The following HERC6 variants were observed in gnomAD, a reference collection of about 807,000 sequenced individuals.
HERC6 encodes the protein HECT and RLD domain containing E3 ubiquitin protein ligase family member 6.
Under a neutral mutation model 114.5 loss-of-function variants are expected in HERC6, and 101 were observed. The observed-to-expected ratio is 0.88, with a 90% CI of 0.75 to 1.04. The LOEUF is 1.04. Among genes scored for constraint, HERC6 ranks in the 50% least tolerant of loss-of-function variants. HERC6 has a pLI of 0.00. For synonymous variants in HERC6, 408 were observed against 436.2 expected (o/e 0.94, Z 0.81); for missense variants, 1,133 against 1,230.9 (o/e 0.92, Z 1.19).
Position 88,423,984 on chromosome 4 carries a change from C to T in HERC6, c.1827+11C>T, listed in dbSNP as rs377521347. The T allele has an allele frequency of 1.6e-4, 193 of 1,204,252 alleles. No homozygotes were observed. Among genetic ancestry groups the T allele is most frequent in the East Asian group, 9.4e-4 (37 of 39,200 alleles). The allele number at this position is 1,204,252 out of a possible 1,614,324, so 74.6% of individuals were successfully genotyped here. On this transcript the variant is annotated intron_variant, in intron 14 of 22. Transcript: ENST00000264346. ...CGGGATAACCACCTGGTAAGAATAA[C>T]ATTTTTACTTCTGAAAATGTTCATA...
In HERC6 at chr4:88,408,491, T is replaced by G. The variant is rs1250453702; in HGVS notation, c.1275-33T>G. 3.1e-6 allele frequency: 4 copies of G among 1,301,114 alleles called. No individual in the cohort carries two copies. The South Asian group carries it at 5.0e-5, about 16-fold the overall frequency. 80.6% of individuals were successfully genotyped at this position (1,301,114 alleles called of 1,614,324 possible). ...TTTAGAAATATCCCTTTCCTTATGT[T>G]TATGTGGTTTCTTGCATTTCTTGTA... is the stretch of plus-strand genomic sequence containing the variant. On this transcript the variant is annotated intron_variant, in intron 10 of 22. Coordinates refer to ENST00000264346, the MANE Select transcript of HERC6 (RefSeq NM_017912.4).
At position 88,422,255 on chromosome 4, in the gene HERC6, CTG is replaced by C. The variant is rs1486373338; in HGVS notation, c.1714-1603_1714-1602del. ...ATCTCTTGACTTCTTTGGATTTTCT[CTG>C]TATAGAATCATATAACTTGAAATAA... On this transcript the variant is annotated intron_variant, in intron 13 of 22. Transcript: ENST00000264346. 2.6e-5 allele frequency among the ~76,000 whole-genome samples: 4 copies of C among 152,262 alleles called. No homozygotes were observed. The East Asian group carries it at 7.7e-4, about 29-fold the overall frequency.
chr4:88,421,628 TAG>T (rs1202241653), intron 13 of HERC6, among the ~76,000 whole-genome samples: 1 of 152,066 alleles, frequency 6.6e-6, no homozygotes, highest in East Asian at 1.9e-4. Context: ...TGTATTTTTG[TAG>T]AGACTGGGTT....
Position 88,390,808 on chromosome 4 carries a change from T to C in HERC6, c.593T>C (p.Leu198Pro). 1 of 1,614,224 alleles carries C rather than the reference T, an allele frequency of 6.2e-7. No homozygotes were observed. The highest frequency in any genetic ancestry group is 1.6e-4 in the Middle Eastern group (1 of 6,062). The change falls in exon 4 of 23, where the codon CTC becomes CCC. Residue 198 changes from leucine to proline, a missense_variant. Leu to Pro is a moderately conservative substitution (Grantham distance 98). This residue lies in a region of HERC6 where 735 missense variants were observed against 754.0 expected (regional missense o/e 0.97). Transcript: ENST00000264346. ...GGGGCTCACAGCTTTGCCCTGTCTC[T>C]CTGTGGGACTTCGTTTGGCTGGGGA... ...AGGAHSFALS[L>P]CGTSFGWGSN...
chr4:88,402,872 T>C (rs1220850186), intron 8 of HERC6, among the ~76,000 whole-genome samples: 1 of 152,172 alleles, frequency 6.6e-6, no homozygotes, highest in Non-Finnish European at 1.5e-5. Flanking sequence ...GGGGAAAAAC[T>C]CTTCCTCTTG....
intron 20 of HERC6, among the ~76,000 whole-genome samples, chr4:88,439,449 A>C (rs1017593921): frequency 3.3e-5 from 5 of 152,076 alleles, no homozygotes; most frequent in Non-Finnish European, 5.9e-5. Context: ...AGAAAGAAAG[A>C]AAATGGAAGT....
At chr4:88,392,410 GAACTCCTGCGCTC>G (rs1489916461) in intron 4 of HERC6, among the ~76,000 whole-genome samples, 1 of 151,630 alleles carries the variant, frequency 6.6e-6, no homozygotes, top group Non-Finnish European at 1.5e-5. Context: ...GGCTGGTTTT[GAACTCCTGCGCTC>G]AAGTGATCCA....
At chr4:88,385,283 A>G (rs1560532647) in intron 2 of HERC6, among the ~76,000 whole-genome samples, 1 of 152,220 alleles carries the variant, frequency 6.6e-6, no homozygotes, top group East Asian at 1.9e-4. Flanking sequence ...TTGCATTTAT[A>G]TACTGTTTTG....
intron 13 of HERC6, 25 bp downstream of exon 13, chr4:88,417,604 A>T (rs373933711): frequency 2.1e-5 from 34 of 1,591,544 alleles, no homozygotes; most frequent in Non-Finnish European, 2.9e-5. Context: ...AAAGGAATGC[A>T]TGTACTATTT....
intron 3 of HERC6, among the ~76,000 whole-genome samples, chr4:88,386,985 A>C (rs1267454146): frequency 6.6e-6 from 1 of 152,158 alleles, no homozygotes; most frequent in East Asian, 1.9e-4. Flanking sequence ...GTAATGTCTT[A>C]TGTGTCATTG....
At chr4:88,392,599 T>G (rs1177472311) in intron 4 of HERC6, among the ~76,000 whole-genome samples, 1 of 152,166 alleles carries the variant, frequency 6.6e-6, no homozygotes, top group Non-Finnish European at 1.5e-5. Context: ...TTTCAAACCC[T>G]AATAAAATGG....
At chr4:88,416,059 C>T (rs1304707396) in intron 12 of HERC6, among the ~76,000 whole-genome samples, 1 of 152,206 alleles carries the variant, frequency 6.6e-6, no homozygotes, top group Non-Finnish European at 1.5e-5. Context: ...TGGTGTCAGC[C>T]ATTCTGCTGG....
In HERC6 at chr4:88,440,188, C is replaced by T; in HGVS notation, c.2780C>T (p.Thr927Ile). 1.2e-6 allele frequency: 2 copies of T among 1,609,140 alleles called. No homozygotes were observed. The highest frequency in any genetic ancestry group is 1.7e-6 in the Non-Finnish European group (2 of 1,177,288). ...CAAGGATACCAAAAATCACATCCTACTATACAGTTGTTTTGGAAGGCTTTC... is the reference window on the plus strand; with the variant it reads ...CAAGGATACCAAAAATCACATCCTATTATACAGTTGTTTTGGAAGGCTTTC... ...YEQGYQKSHPTIQLFWKAFHK... is the reference protein window; with the variant it reads ...YEQGYQKSHPIIQLFWKAFHK... Residue 927 changes from threonine (T) to isoleucine (I), a missense_variant, in exon 22 of 23, where the codon ACT becomes ATT. By Grantham distance (89) the Thr-to-Ile change is moderately conservative. Transcript: ENST00000264346.
rs762669695 is a variant in HERC6, at chr4:88,424,586, AT to A, written c.1828-3del. The stretch of plus-strand genomic sequence containing the variant: ...ATTATCAAAACTATTATCTCTGTTT[AT>A]TTTTTAGATACCTGCAGAAACCCCC... On this transcript the variant is annotated splice_region_variant and splice_polypyrimidine_tract_variant and intron_variant, in intron 14 of 22. Transcript: ENST00000264346. The A allele has an allele frequency of 4.5e-6, 7 of 1,564,966 alleles. No individual in the cohort carries two copies. In the Admixed American group the frequency reaches 1.0e-4, roughly 23 times the overall value.
chr4:88,385,339 A>G (rs1720615699), intron 2 of HERC6, among the ~76,000 whole-genome samples, 160 bp from the exon 3 acceptor site: 1 of 152,202 alleles, frequency 6.6e-6, no homozygotes, highest in Non-Finnish European at 1.5e-5. Flanking sequence ...TGTTAAAAAC[A>G]GTTTGAGGGC....
chr4:88,428,993 C>T (rs574855534), intron 16 of HERC6, among the ~76,000 whole-genome samples: 69 of 152,274 alleles, frequency 4.5e-4, no homozygotes, highest in African/African-American at 1.5e-3. Flanking sequence ...CATCCCAAAA[C>T]GTAAAGGCTC....
intron 3 of HERC6, among the ~76,000 whole-genome samples, chr4:88,389,931 C>T (rs1474534702): frequency 6.6e-6 from 1 of 152,014 alleles, no homozygotes; most frequent in Non-Finnish European, 1.5e-5. Flanking sequence ...AATCCCAACA[C>T]TTTGGGAGGC....
At chr4:88,417,696 T>G (rs1355221674) in intron 13 of HERC6, 117 bp downstream of exon 13, 1 of 801,694 alleles carries the variant, frequency 1.2e-6, no homozygotes, top group Admixed American at 3.4e-5. Flanking sequence ...AAATGTTTTT[T>G]AAAGGAGTAT....
chr4:88,381,504 A>C (rs892152154), intron 1 of HERC6, among the ~76,000 whole-genome samples: 1 of 149,552 alleles, frequency 6.7e-6, no homozygotes, highest in Non-Finnish European at 1.5e-5. Flanking sequence ...TGACTTGTTT[A>C]TGCAGGCTCA....
Sources: gnomAD v4.1 joint callset for allele counts (sites outside exome capture counted in the v4.1 genomes callset) on GRCh38, gnomAD v4.1.1 for gene constraint, gnomAD v4.1.1 regional missense constraint, MANE v1.5 for transcripts, NCBI Gene and HGNC (gene_info 2026-07-23, HGNC 2026-07-21) for gene names.